The following SLC37A1 variants were observed in gnomAD, a reference collection of about 807,000 sequenced individuals.
SLC37A1 encodes the protein glucose-6-phosphate exchanger SLC37A1.
A neutral mutation model predicts 75.3 loss-of-function variants in SLC37A1; 49 were observed. That is an observed-to-expected ratio of 0.65 (90% confidence interval 0.52 to 0.83). SLC37A1 has a LOEUF of 0.83. Ranked by LOEUF, SLC37A1 falls within the 40% of genes least tolerant of loss-of-function variation. The probability of loss-of-function intolerance (pLI) is 0.00; values close to 1 mark genes in which losing one functional copy is unlikely to be tolerated. For missense variants in SLC37A1, 566 were observed against 695.0 expected (o/e 0.81, Z 2.09); for synonymous variants, 268 against 292.1 (o/e 0.92, Z 0.84).
intron 1 of SLC37A1, 55 bp from the exon 2 acceptor site, chr21:42,518,222 T>C: frequency 1.8e-6 from 1 of 549,074 alleles, no homozygotes; most frequent in South Asian, 1.9e-5. Context: ...CCAGTAACGC[T>C]GAAGGTGTGA....
At chr21:42,546,598 G>A (rs554100277) in intron 8 of SLC37A1, among the ~76,000 whole-genome samples, 1 of 152,308 alleles carries the variant, frequency 6.6e-6, no homozygotes, top group South Asian at 2.1e-4. Flanking sequence ...CGTTCACAGT[G>A]TTGGCACTGG....
chr21:42,579,523 T>TACCCTCATCAGACA (rs1336285704), intron 18 of SLC37A1, among the ~76,000 whole-genome samples: 9 of 152,106 alleles, frequency 5.9e-5, no homozygotes, highest in East Asian at 1.9e-4. Flanking sequence ...CAGACAGCCC[T>TACCCTCATCAGACA]GCCCTCATCA....
chr21:42,543,571 G>C lies in SLC37A1; in HGVS notation c.699G>C (p.Met233Ile). The change falls in exon 8 of 20, where the codon ATG becomes ATC. Residue 233 changes from methionine to isoleucine, a missense_variant. By Grantham distance (10) the Met-to-Ile change is conservative (BLOSUM62 1). Coordinates refer to ENST00000352133, the MANE Select transcript of SLC37A1 (RefSeq NM_001320537.2). ...FVVPGAIVAA[M>I]GIVCFLFLIE... ...TGCCTGGAGCCATCGTGGCAGCCAT[G>C]GGGATAGTGTGCTTTCTCTTCCTCA... 1 of 1,611,832 alleles carries C rather than the reference G, an allele frequency of 6.2e-7. No individual in the cohort carries two copies. The highest frequency in any genetic ancestry group is 8.5e-7 in the Non-Finnish European group (1 of 1,178,856).
rs113518111 is a variant in SLC37A1 at position 42,566,441 on chromosome 21, G to T, written c.1271-544G>T. Among the ~76,000 whole-genome samples, 308 of 152,362 alleles carry T rather than the reference G, an allele frequency of 2.0e-3. 1 individual carries two copies. The highest frequency in any genetic ancestry group is 6.7e-3 in the African/African-American group (280 of 41,584). ...CTATTTTGAACACCCTGCAGGCAGC[G>T]CTATCAAACTATGCCTCCAGCACTT... On this transcript the variant is annotated intron_variant, in intron 15 of 19. Transcript: ENST00000352133.
intron 3 of SLC37A1, among the ~76,000 whole-genome samples, chr21:42,529,370 G>A (rs1237781844): frequency 6.6e-6 from 1 of 152,036 alleles, no homozygotes; most frequent in Admixed American, 6.5e-5. Flanking sequence ...AGCAGTTCGA[G>A]ACCAGCCTGA....
At chr21:42,532,474 G>T (rs2055013510) in intron 3 of SLC37A1, among the ~76,000 whole-genome samples, 1 of 152,318 alleles carries the variant, frequency 6.6e-6, no homozygotes, top group South Asian at 2.1e-4. Flanking sequence ...GAGGTGAATT[G>T]TAGTGGCGAT....
chr21:42,518,315 A>C lies in SLC37A1; in HGVS notation c.-140A>C. ...TGCCAGAAGGAAGGGGACAAGACCCAGCAGGACACCTTCTTTCCACGCTTT... is the reference window on the plus strand; with the variant it reads ...TGCCAGAAGGAAGGGGACAAGACCCCGCAGGACACCTTCTTTCCACGCTTT... On this transcript the variant is annotated 5_prime_UTR_variant, in exon 2 of 20. Coordinates refer to ENST00000352133, the MANE Select transcript of SLC37A1 (RefSeq NM_001320537.2). The C allele has an allele frequency of 9.7e-7, 1 of 1,029,486 alleles. No homozygotes were observed. The highest frequency in any genetic ancestry group is 1.5e-6 in the Non-Finnish European group (1 of 674,182). 63.8% of individuals were successfully genotyped at this position (1,029,486 alleles called of 1,614,324 possible). A position where few individuals can be genotyped will look rare whatever the true frequency, so the allele number is the denominator to read the frequency against.
intron 3 of SLC37A1, among the ~76,000 whole-genome samples, chr21:42,528,947 A>C (rs1217148684): frequency 6.6e-6 from 1 of 152,256 alleles, no homozygotes; most frequent in Non-Finnish European, 1.5e-5. Context: ...TCCCAGTGTT[A>C]ATATTTAAAT....
intron 17 of SLC37A1, among the ~76,000 whole-genome samples, chr21:42,569,401 T>C (rs904708582): frequency 1.3e-5 from 2 of 152,230 alleles, no homozygotes; most frequent in African/African-American, 4.8e-5. Context: ...GCCTCCCTGC[T>C]GCTCCTCCGA....
intron 12 of SLC37A1, 44 bp downstream of exon 12, chr21:42,562,212 G>C (rs765441358): frequency 2.6e-6 from 4 of 1,546,996 alleles, no homozygotes; most frequent in Non-Finnish European, 3.6e-6. Flanking sequence ...CACAGTGACT[G>C]GGGTCCGAAG....
chr21:42,512,179 A>T (rs1232618276), upstream of SLC37A1, among the ~76,000 whole-genome samples: 1 of 128,204 alleles, frequency 7.8e-6, no homozygotes, highest in East Asian at 2.3e-4. Context: ...TATACTACAA[A>T]TTATGTAATT....
intron 9 of SLC37A1, among the ~76,000 whole-genome samples, chr21:42,550,654 A>C (rs2055533606): frequency 6.6e-6 from 1 of 152,268 alleles, no homozygotes; most frequent in Non-Finnish European, 1.5e-5. Flanking sequence ...ACTGTACAAC[A>C]GTATCTTTTA....
chr21:42,509,450 G>A (rs775102526), upstream of SLC37A1: 1 of 152,216 alleles, frequency 6.6e-6, no homozygotes, highest in Non-Finnish European at 1.5e-5. The surrounding 1 kb of genome is among the most constrained non-coding windows in gnomAD (Gnocchi z 4.2). Flanking sequence ...ACTGGGAAGC[G>A]AGTCAAAAGT....
At chr21:42,568,608 C>T (rs2056042634) in intron 17 of SLC37A1, among the ~76,000 whole-genome samples, 170 bp downstream of exon 17, 1 of 152,272 alleles carries the variant, frequency 6.6e-6, no homozygotes, top group South Asian at 2.1e-4. Context: ...GAGATGGTCA[C>T]GCATGCCTGG....
chr21:42,549,581 C>T (rs2055506268), intron 9 of SLC37A1, among the ~76,000 whole-genome samples: 1 of 152,144 alleles, frequency 6.6e-6, no homozygotes, highest in Non-Finnish European at 1.5e-5. Flanking sequence ...TGCAAACAGC[C>T]CCAAAGTTCT....
At position 42,543,545 on chromosome 21, in the gene SLC37A1, G is replaced by C. The variant is rs143594192; in HGVS notation, c.673G>C (p.Val225Leu). The change falls in exon 8 of 20, where the codon GTG (valine) becomes CTG (leucine). Residue 225 changes from valine (V) to leucine (L), a missense_variant. Transcript: ENST00000352133. The part of the protein sequence containing the change: ...VSTCWGLSFV[V>L]PGAIVAAMGI... ...CACATGCTGGGGCCTGTCCTTCGTC[G>C]TGCCTGGAGCCATCGTGGCAGCCAT... is the stretch of plus-strand genomic sequence containing the variant. 1.9e-5 allele frequency: 31 copies of C among 1,613,652 alleles called. No homozygotes were observed. The South Asian group carries it at 3.4e-4, about 18-fold the overall frequency.
intron 17 of SLC37A1, among the ~76,000 whole-genome samples, chr21:42,573,245 T>C (rs921875002): frequency 1.3e-5 from 2 of 152,196 alleles, no homozygotes; most frequent in South Asian, 4.1e-4. Context: ...GCAGAGGGAA[T>C]GTAGCTAACA....
Position 42,535,556 on chromosome 21 carries a change from TCTC to T in SLC37A1, c.350+9_350+11del. On this transcript the variant is annotated splice_region_variant and intron_variant, in intron 5 of 19. Transcript: ENST00000352133. The stretch of plus-strand genomic sequence containing the variant: ...GCCGTGGGGATGTACCTCAGGTAGG[TCTC>T]CTTCAGTTTTCCAGACCCTTCCTGG... 8 of 1,613,546 alleles carry T rather than the reference TCTC, an allele frequency of 5.0e-6. No homozygotes were observed. The highest frequency in any genetic ancestry group is 5.9e-6 in the Non-Finnish European group (7 of 1,179,472).
intron 3 of SLC37A1, among the ~76,000 whole-genome samples, chr21:42,526,197 G>A (rs1287437105): frequency 6.6e-6 from 1 of 152,054 alleles, no homozygotes; most frequent in Non-Finnish European, 1.5e-5. Flanking sequence ...CTCTTCGTGC[G>A]ATCCAACCCT....
Sources: allele counts gnomAD v4.1 joint callset (sites outside exome capture counted in the v4.1 genomes callset), GRCh38; gene constraint gnomAD v4.1.1; non-coding constraint Gnocchi (gnomAD v3.1); transcripts MANE v1.5; gene names NCBI Gene and HGNC (gene_info 2026-07-23, HGNC 2026-07-21).